Variants in AMOTL1 observed in about 807,000 individuals in gnomAD.
AMOTL1 encodes angiomotin-like protein 1.
In AMOTL1, 45 loss-of-function variants were observed where a neutral mutation model predicts 102.9. The ratio of observed to expected loss-of-function variants is 0.44; its 90% CI spans 0.34 to 0.56. AMOTL1 has a LOEUF of 0.56. Among genes scored for constraint, AMOTL1 ranks in the 20% least tolerant of loss-of-function variants. AMOTL1 has a pLI of 0.01. For missense variants in AMOTL1, 1,114 were observed against 1,225.6 expected (o/e 0.91, Z 1.36); for synonymous variants, 481 against 484.7 (o/e 0.99, Z 0.10).
intron 6 of AMOTL1, 119 bp from the exon 7 acceptor site, chr11:94,849,995 C>A: frequency 8.1e-7 from 1 of 1,237,222 alleles, no homozygotes; most frequent in Non-Finnish European, 1.1e-6. Flanking sequence ...AACAGCAATT[C>A]AGTCCTCCAT....
In AMOTL1 at chr11:94,711,282, C is replaced by T. The variant is rs1489715813; in HGVS notation, c.-51+4685C>T. ...ACTCTGGCTGTTAAAGAATAGCTGG[C>T]TTGTATATTTTTAAAAAACATTATG... On this transcript the variant is annotated intron_variant, in intron 1 of 4. Transcript: ENST00000299004. Among the ~76,000 whole-genome samples, 9 of 151,982 alleles carry T rather than the reference C, an allele frequency of 5.9e-5. No homozygotes were observed. In the East Asian group the frequency reaches 1.7e-3, roughly 29 times the overall value.
At chr11:94,824,112 T>C (rs377405433) in intron 4 of AMOTL1, among the ~76,000 whole-genome samples, 1 of 152,216 alleles carries the variant, frequency 6.6e-6, no homozygotes, top group East Asian at 1.9e-4. Flanking sequence ...GCACAGAGGA[T>C]GGTTCTTAAA....
chr11:94,821,929 T>C (rs1239447970), intron 4 of AMOTL1, 108 bp downstream of exon 4: 2 of 1,399,228 alleles, frequency 1.4e-6, no homozygotes, highest in East Asian at 2.3e-5. Context: ...CTTTTTATAC[T>C]AGGCCCTGTG....
In AMOTL1 at chr11:94,871,979, C is replaced by T. The variant is rs1312428656; in HGVS notation, c.*1184C>T. ...AGCGTATTCACACTCTTTCCTCCCC[C>T]GCGCACGCCTCTGCTTGCTCTCGAT... On this transcript the variant is annotated 3_prime_UTR_variant, in exon 13 of 13. Transcript: ENST00000433060. 3 of 152,036 alleles carry T rather than the reference C, an allele frequency of 2.0e-5. No individual in the cohort carries two copies. Among genetic ancestry groups the T allele is most frequent in the South Asian group, 2.1e-4 (1 of 4,802 alleles). The allele number at this position is 152,036 out of a possible 1,614,324, so 9.4% of individuals were successfully genotyped here. A position where few individuals can be genotyped will look rare whatever the true frequency, so the allele number is the denominator to read the frequency against.
chr11:94,768,653 T>C, intron 1 of AMOTL1, 93 bp downstream of exon 1: 1 of 1,526,952 alleles, frequency 6.5e-7, no homozygotes, highest in Non-Finnish European at 8.8e-7. Context: ...CCCCTGCTGC[T>C]CACGGAAGGG....
intron 3 of AMOTL1, among the ~76,000 whole-genome samples, chr11:94,763,166 C>T (rs994177695): frequency 2.6e-5 from 4 of 152,176 alleles, no homozygotes; most frequent in Admixed American, 6.5e-5. Flanking sequence ...ACACAAGTGT[C>T]GTACCTTGTG....
In AMOTL1 at chr11:94,836,204, A is replaced by C. The variant is rs560218026; in HGVS notation, c.1648+4663A>C. Among the ~76,000 whole-genome samples the C allele has an allele frequency of 6.6e-5, 10 of 152,340 alleles. 1 individual carries two copies. The East Asian group carries it at 1.2e-3, about 18-fold the overall frequency. ...CATAGAGCATAAGGAGATTATTTTG[A>C]ATCCTCATTAGGTTTCATTACATCA... is the stretch of plus-strand genomic sequence containing the variant. On this transcript the variant is annotated intron_variant, in intron 6 of 12. Transcript: ENST00000433060.
At chr11:94,835,359 G>C (rs1952156743) in intron 6 of AMOTL1, among the ~76,000 whole-genome samples, 1 of 152,190 alleles carries the variant, frequency 6.6e-6, no homozygotes, top group Admixed American at 6.5e-5. Flanking sequence ...ATGCATACCA[G>C]AGGCAGGTTA....
chr11:94,708,338 T>C (rs1282058326), intron 1 of AMOTL1, among the ~76,000 whole-genome samples: 2 of 152,198 alleles, frequency 1.3e-5, no homozygotes, highest in African/African-American at 4.8e-5. Flanking sequence ...GAGGCCAGAA[T>C]GCGAGAGGAT....
chr11:94,734,300 G>A (rs1047747112), intron 2 of AMOTL1, among the ~76,000 whole-genome samples: 3 of 152,078 alleles, frequency 2.0e-5, no homozygotes, highest in Admixed American at 1.3e-4. Context: ...TGGAAATTAC[G>A]AAACAAAGTA....
intron 4 of AMOTL1, among the ~76,000 whole-genome samples, chr11:94,827,655 C>T (rs1951990850): frequency 6.6e-6 from 1 of 152,124 alleles, no homozygotes; most frequent in South Asian, 2.1e-4. Flanking sequence ...ACAGAAGAAC[C>T]AACTCTGGTA....
intron 6 of AMOTL1, among the ~76,000 whole-genome samples, chr11:94,832,176 T>A (rs891898074): frequency 2.6e-5 from 4 of 152,254 alleles, no homozygotes; most frequent in Admixed American, 2.0e-4. Flanking sequence ...TTCTGCAGAT[T>A]CATTGCACTA....
Position 94,799,430 on chromosome 11 carries a change from G to A in AMOTL1, c.240G>A (p.Leu80=). The change falls in exon 3 of 13, where the codon CTG becomes CTA. Residue 80 remains leucine, a synonymous_variant. Coordinates refer to ENST00000433060, the MANE Select transcript of AMOTL1 (RefSeq NM_130847.3). This position sits in a 1 kb window ranked among gnomAD's most constrained non-coding sequence, Gnocchi z 4.5. Reference sequence around the variant, plus strand: ...GTAACTTCCACTCCCCAAACTTCCTGAGGATCTCAGAGGTGGAAATGAGAG... The same window carrying A: ...GTAACTTCCACTCCCCAAACTTCCTAAGGATCTCAGAGGTGGAAATGAGAG... ...PLCNFHSPNF[L]RISEVEMRGS... The A allele has an allele frequency of 6.3e-7, 1 of 1,594,924 alleles. No homozygotes were observed. Among genetic ancestry groups the A allele is most frequent in the Non-Finnish European group, 8.5e-7 (1 of 1,169,986 alleles).
intron 4 of AMOTL1, among the ~76,000 whole-genome samples, chr11:94,828,335 C>T (rs1952006239): frequency 6.6e-6 from 1 of 152,184 alleles, no homozygotes; most frequent in Non-Finnish European, 1.5e-5. Flanking sequence ...TGTCATCTGT[C>T]ATTGAGCTGT....
chr11:94,867,038 GA>G (rs1402432939), intron 11 of AMOTL1, among the ~76,000 whole-genome samples: 2 of 152,096 alleles, frequency 1.3e-5, no homozygotes, highest in Non-Finnish European at 2.9e-5. Context: ...GCCCTTCTTT[GA>G]TGCATTTCCC....
At chr11:94,860,371 T>A (rs976154887) in intron 9 of AMOTL1, among the ~76,000 whole-genome samples, 1 of 152,254 alleles carries the variant, frequency 6.6e-6, no homozygotes, top group African/African-American at 2.4e-5. Flanking sequence ...AATTCTTTTC[T>A]GCTGCTGTCA....
intron 6 of AMOTL1, among the ~76,000 whole-genome samples, chr11:94,833,180 TCA>T (rs1396661884): frequency 6.6e-6 from 1 of 152,234 alleles, no homozygotes; most frequent in Admixed American, 6.5e-5. Flanking sequence ...TTAAAGGATC[TCA>T]GTGTCGATAT....
chr11:94,728,415 T>A (rs1950293929), intron 1 of AMOTL1, among the ~76,000 whole-genome samples: 1 of 152,200 alleles, frequency 6.6e-6, no homozygotes, highest in Admixed American at 6.5e-5. Flanking sequence ...TTTAAAATAA[T>A]ATTTATTGCA....
chr11:94,734,903 G>A (rs1352563088), intron 2 of AMOTL1, among the ~76,000 whole-genome samples: 2 of 152,192 alleles, frequency 1.3e-5, no homozygotes, highest in Non-Finnish European at 2.9e-5. Flanking sequence ...GTGGGCCCTA[G>A]CTACTGTCTT....
Sources: allele counts gnomAD v4.1 joint callset (sites outside exome capture counted in the v4.1 genomes callset), GRCh38; gene constraint gnomAD v4.1.1; non-coding constraint Gnocchi (gnomAD v3.1); transcripts MANE v1.5; gene names NCBI Gene and HGNC (gene_info 2026-07-23, HGNC 2026-07-21).